PALLD: variants seen among roughly 807,000 people sequenced by gnomAD.
The protein encoded by PALLD is palladin.
Under a neutral mutation model 123.5 loss-of-function variants are expected in PALLD, and 61 were observed. That is an observed-to-expected ratio of 0.49 (90% CI 0.40 to 0.61). The LOEUF (loss-of-function observed/expected upper bound fraction) is 0.61. Among genes scored for constraint, PALLD ranks in the 20% least tolerant of loss-of-function variants. The pLI, the probability that PALLD is intolerant of heterozygous loss-of-function variation, is 0.00. For synonymous variants in PALLD, 465 were observed against 496.4 expected (o/e 0.94, Z 0.84); for missense variants, 1,273 against 1,377.0 (o/e 0.92, Z 1.20).
rs528701229 is a variant in PALLD, at chr4:168,896,822, G to GTATT, written c.2250+245_2250+248dup. 9.4e-3 allele frequency among the ~76,000 whole-genome samples: 1,419 copies of GTATT among 151,640 alleles called. 15 individuals carry two copies. Among genetic ancestry groups the GTATT allele is most frequent in the African/African-American group, 0.03 (1,239 of 41,346 alleles). On this transcript the variant is annotated intron_variant, in intron 13 of 21. Transcript: ENST00000505667. ...ATTTATTTATTTATTTTTACTTTAT[G>GTATT]TATTTATTTATTTATTTATTTATTT...
chr4:168,561,088 G>A (rs991404034), intron 2 of PALLD, among the ~76,000 whole-genome samples: 10 of 152,062 alleles, frequency 6.6e-5, no homozygotes, highest in African/African-American at 1.9e-4. Flanking sequence ...GACATGAGCA[G>A]CCCTATATCA....
chr4:168,868,321 A>G (rs1750615638), intron 10 of PALLD, among the ~76,000 whole-genome samples: 1 of 152,210 alleles, frequency 6.6e-6, no homozygotes, highest in South Asian at 2.1e-4. Flanking sequence ...GTATCTGTAA[A>G]GGGAGGGAGG....
At chr4:168,626,091 G>A (rs1396844856) in intron 2 of PALLD, among the ~76,000 whole-genome samples, 4 of 148,466 alleles carry the variant, frequency 2.7e-5, no homozygotes, top group South Asian at 4.3e-4. Flanking sequence ...GTAAAACCTC[G>A]TCTCTACTAA....
intron 8 of PALLD, among the ~76,000 whole-genome samples, chr4:168,694,070 T>C (rs2150134335): frequency 6.6e-6 from 1 of 152,342 alleles, no homozygotes; most frequent in African/African-American, 2.4e-5. Flanking sequence ...GACCTTGAAG[T>C]TGCTATGTCA....
chr4:168,918,638 G>A (rs1448848425), intron 17 of PALLD, among the ~76,000 whole-genome samples: 1 of 151,950 alleles, frequency 6.6e-6, no homozygotes, highest in Non-Finnish European at 1.5e-5. Flanking sequence ...AGTTAATAAC[G>A]ATGTACTATA....
intron 2 of PALLD, among the ~76,000 whole-genome samples, chr4:168,586,881 C>T (rs1319633141): frequency 5.9e-5 from 9 of 152,040 alleles, no homozygotes; most frequent in Non-Finnish European, 1.2e-4. Context: ...AAAAATCGAA[C>T]GTTCCCTCAG....
At chr4:168,921,797 T>A in intron 18 of PALLD, 56 bp downstream of exon 18, 1 of 1,316,858 alleles carries the variant, frequency 7.6e-7, no homozygotes. Context: ...GACTTACAAA[T>A]GTAAACTAAT....
chr4:168,539,963 C>G (rs1038893410), intron 2 of PALLD, among the ~76,000 whole-genome samples: 2 of 151,796 alleles, frequency 1.3e-5, no homozygotes, highest in African/African-American at 4.8e-5. Flanking sequence ...CTTCCCTTCT[C>G]CCTCCCTCCC....
intron 10 of PALLD, among the ~76,000 whole-genome samples, chr4:168,810,383 G>A (rs1243573017): frequency 3.9e-5 from 6 of 152,132 alleles, no homozygotes; most frequent in African/African-American, 1.4e-4. Flanking sequence ...GGCTGAGCAT[G>A]GTGGCTCATG....
chr4:168,551,593 T>A (rs904679196), intron 2 of PALLD, among the ~76,000 whole-genome samples: 2 of 151,940 alleles, frequency 1.3e-5, no homozygotes, highest in African/African-American at 4.8e-5. Flanking sequence ...AACCTGGGGG[T>A]ACATATATTA....
At chr4:168,514,515 C>T (rs962881141) in intron 2 of PALLD, among the ~76,000 whole-genome samples, 14 of 152,020 alleles carry the variant, frequency 9.2e-5, no homozygotes, top group African/African-American at 3.4e-4. Flanking sequence ...TTAAATATGT[C>T]GTTCTAAATT....
chr4:168,540,545 C>T (rs1765513273), intron 2 of PALLD, among the ~76,000 whole-genome samples: 2 of 151,870 alleles, frequency 1.3e-5, no homozygotes, highest in Admixed American at 1.3e-4. Flanking sequence ...AGACAAGAGC[C>T]TGGAAAAAAA....
At chr4:168,813,213 G>A (rs1741428187) in intron 10 of PALLD, among the ~76,000 whole-genome samples, 1 of 152,146 alleles carries the variant, frequency 6.6e-6, no homozygotes, top group Admixed American at 6.5e-5. Context: ...ATTCAAGCCT[G>A]TAGAAGGTAA....
At chr4:168,512,936 CA>C (rs1222126433) in intron 2 of PALLD, among the ~76,000 whole-genome samples, 3 of 151,790 alleles carry the variant, frequency 2.0e-5, no homozygotes, top group Non-Finnish European at 2.9e-5. Context: ...GCCTGAGGAT[CA>C]AAAAACTACC....
At chr4:168,674,146 C>T (rs2710825) in intron 3 of PALLD, among the ~76,000 whole-genome samples, 26,123 of 151,994 alleles carry the variant, frequency 0.17, 2,601 homozygotes, top group Middle Eastern at 0.27. Flanking sequence ...AACTCCTGAC[C>T]TCAAGTGATC....
At chr4:168,847,516 GTATT>G (rs972502766) in intron 10 of PALLD, among the ~76,000 whole-genome samples, 4 of 152,138 alleles carry the variant, frequency 2.6e-5, no homozygotes, top group Admixed American at 2.6e-4. Context: ...GGTGTTGTAA[GTATT>G]TATATTTGTA....
intron 2 of PALLD, among the ~76,000 whole-genome samples, chr4:168,578,136 C>T (rs1769828202): frequency 6.6e-6 from 1 of 152,042 alleles, no homozygotes; most frequent in Non-Finnish European, 1.5e-5. Context: ...TTGGTTTGTT[C>T]TACATTATCT....
At chr4:168,878,535 A>G (rs1210057260) in intron 10 of PALLD, 3 of 593,016 alleles carry the variant, frequency 5.1e-6, no homozygotes, top group Non-Finnish European at 5.4e-6. Flanking sequence ...TCTCCGTGCG[A>G]TGTAAAAATT....
chr4:168,555,991 C>A (rs1172874243), intron 2 of PALLD, among the ~76,000 whole-genome samples: 2 of 152,166 alleles, frequency 1.3e-5, no homozygotes, highest in African/African-American at 4.8e-5. Flanking sequence ...TATAGAACCA[C>A]CCCGAAGTTC....
Sources: allele counts gnomAD v4.1 joint callset (sites outside exome capture counted in the v4.1 genomes callset), GRCh38; gene constraint gnomAD v4.1.1; transcripts MANE v1.5; gene names NCBI Gene and HGNC (gene_info 2026-07-23, HGNC 2026-07-21).